SHISA9: variants seen among roughly 807,000 people sequenced by gnomAD.
The protein encoded by SHISA9 is shisa family member 9.
Under a neutral mutation model 38.0 loss-of-function variants are expected in SHISA9, and 13 were observed. That is an observed-to-expected ratio of 0.34 (90% CI 0.22 to 0.54). SHISA9 has a LOEUF of 0.54. Ranked by LOEUF, SHISA9 falls within the 20% of genes least tolerant of loss-of-function variation. The probability of loss-of-function intolerance (pLI) is 0.91; values close to 1 mark genes in which losing one functional copy is unlikely to be tolerated. For synonymous variants in SHISA9, 275 were observed against 242.0 expected (o/e 1.14, Z -1.27); for missense variants, 538 against 575.8 (o/e 0.93, Z 0.67).
At chr16:13,247,582 A>G in the SHISA9 span, among the ~76,000 whole-genome samples, 1 of 151,814 alleles carries the variant, frequency 6.6e-6, no homozygotes, top group Non-Finnish European at 1.5e-5. Context: ...TGGTTAAATA[A>G]ATAAATAAAT....
chr16:13,314,214 T>A, the SHISA9 span, among the ~76,000 whole-genome samples: 2 of 149,552 alleles, frequency 1.3e-5, no homozygotes, highest in African/African-American at 4.9e-5. Context: ...TTTTTTTTTA[T>A]TTTTTTATTT....
the SHISA9 span, among the ~76,000 whole-genome samples, chr16:13,518,294 C>T: frequency 3.3e-5 from 5 of 152,002 alleles, no homozygotes; most frequent in African/African-American, 1.2e-4. Context: ...TTCCATTCCC[C>T]ACAAGAGCCA....
the SHISA9 span, among the ~76,000 whole-genome samples, chr16:13,454,106 T>C: frequency 2.0e-5 from 3 of 152,288 alleles, no homozygotes; most frequent in South Asian, 2.1e-4. Context: ...TTCTCTTTTA[T>C]GGGCTAGCTG....
chr16:13,146,349 A>G (rs762968164), intron 2 of SHISA9, among the ~76,000 whole-genome samples: 1 of 152,162 alleles, frequency 6.6e-6, no homozygotes, highest in African/African-American at 2.4e-5. Flanking sequence ...AGTTAGGTGC[A>G]TAGCTTTTAT....
At chr16:13,317,938 T>C in the SHISA9 span, among the ~76,000 whole-genome samples, 2 of 152,138 alleles carry the variant, frequency 1.3e-5, no homozygotes, top group African/African-American at 4.8e-5. Context: ...GTTGAAAATA[T>C]GTAATATCTG....
At chr16:13,068,522 TG>T (rs2073460869) in intron 2 of SHISA9, among the ~76,000 whole-genome samples, 1 of 152,162 alleles carries the variant, frequency 6.6e-6, no homozygotes, top group Admixed American at 6.5e-5. Context: ...AGTTTAGGAG[TG>T]GCCTGGAGTT....
At chr16:12,933,961 C>T (rs2071494580) in intron 2 of SHISA9, among the ~76,000 whole-genome samples, 1 of 151,998 alleles carries the variant, frequency 6.6e-6, no homozygotes, top group South Asian at 2.1e-4. Flanking sequence ...AGGCTGGTGT[C>T]ACTGAGAAAG....
the SHISA9 span, among the ~76,000 whole-genome samples, chr16:13,283,180 A>C: frequency 2.6e-5 from 4 of 152,084 alleles, no homozygotes; most frequent in African/African-American, 9.7e-5. Flanking sequence ...GATCACTAGG[A>C]ACTTTGTGCA....
In SHISA9 at chr16:12,976,181, G is replaced by A. The variant is rs532431740; in HGVS notation, c.691+59366G>A. Among the ~76,000 whole-genome samples the A allele has an allele frequency of 5.9e-5, 9 of 152,132 alleles. No individual in the cohort carries two copies. In the South Asian group the frequency reaches 6.3e-4, roughly 11 times the overall value. The stretch of plus-strand genomic sequence containing the variant: ...CGGCTCACTGTAACCTCTGCTTCTC[G>A]GGTTCAAGAGATTCTTGTGCCTCAG... On this transcript the variant is annotated intron_variant, in intron 2 of 4. Coordinates refer to ENST00000558583, the MANE Select transcript of SHISA9 (RefSeq NM_001145204.3).
intron 2 of SHISA9, among the ~76,000 whole-genome samples, chr16:12,919,683 C>T (rs529730120): frequency 4.3e-4 from 65 of 152,244 alleles, no homozygotes; most frequent in African/African-American, 1.3e-3. Context: ...TTTTTGTCAA[C>T]GTTTCTACAT....
At position 13,015,987 on chromosome 16, in the gene SHISA9, T is replaced by TTCCCTTCCCTTC. The variant is rs1555454870; in HGVS notation, c.691+99174_691+99175insCCTTCCCTTCTC. ...TTCCCTTCCCTTCCCTTCCCTTCCC[T>TTCCCTTCCCTTC]TCTTTTCTTTTCTTCCTTGAGACAG... On this transcript the variant is annotated intron_variant, in intron 2 of 4. Transcript: ENST00000558583. Among the ~76,000 whole-genome samples, 28 of 9,910 alleles carry TTCCCTTCCCTTC rather than the reference T, an allele frequency of 2.8e-3. 6 individuals are homozygous for TTCCCTTCCCTTC. Among genetic ancestry groups the TTCCCTTCCCTTC allele is most frequent in the Non-Finnish European group, 3.4e-3 (20 of 5,946 alleles). The allele number at this position is 9,910 out of a possible 152,430, so 6.5% of individuals were successfully genotyped here.
intron 2 of SHISA9, among the ~76,000 whole-genome samples, chr16:12,926,047 T>A (rs2071389926): frequency 6.6e-6 from 1 of 152,154 alleles, no homozygotes; most frequent in African/African-American, 2.4e-5. Context: ...TCTCACAACA[T>A]CTTCATAAAA....
chr16:13,336,707 G>A, the SHISA9 span, among the ~76,000 whole-genome samples: 2 of 152,276 alleles, frequency 1.3e-5, no homozygotes, highest in South Asian at 4.2e-4. Flanking sequence ...TTGGGTAAGG[G>A]GAGGTGGCAT....
chr16:13,535,152 A>G, the SHISA9 span, among the ~76,000 whole-genome samples: 1 of 152,204 alleles, frequency 6.6e-6, no homozygotes. Flanking sequence ...AGGATGAGGC[A>G]GGAGAATTGG....
the SHISA9 span, among the ~76,000 whole-genome samples, chr16:13,463,860 G>A: frequency 5.3e-5 from 8 of 152,366 alleles, no homozygotes; most frequent in South Asian, 4.1e-4. Context: ...AATCCCTGCC[G>A]TTGGCTCCCT....
chr16:13,404,391 C>T, the SHISA9 span, among the ~76,000 whole-genome samples: 117 of 152,170 alleles, frequency 7.7e-4, no homozygotes, highest in African/African-American at 2.8e-3. Flanking sequence ...TTGTCCTCAT[C>T]GGGGAAGTAA....
intron 2 of SHISA9, among the ~76,000 whole-genome samples, chr16:13,079,475 A>T (rs1397937334): frequency 6.6e-6 from 1 of 152,240 alleles, no homozygotes; most frequent in Non-Finnish European, 1.5e-5. Flanking sequence ...TAAAAATGAC[A>T]ACATGAAACC....
chr16:12,908,186 C>T (rs1195644745), intron 1 of SHISA9, among the ~76,000 whole-genome samples: 2 of 152,146 alleles, frequency 1.3e-5, no homozygotes, highest in Non-Finnish European at 2.9e-5. Context: ...CTCTTGTCTA[C>T]TGAAGAGAAT....
At chr16:13,262,978 T>A in the SHISA9 span, among the ~76,000 whole-genome samples, 1 of 152,192 alleles carries the variant, frequency 6.6e-6, no homozygotes, top group African/African-American at 2.4e-5. Flanking sequence ...TGAGGGTCTC[T>A]TTTTTATTCC....
Sources: allele counts gnomAD v4.1 joint callset (sites outside exome capture counted in the v4.1 genomes callset), GRCh38; gene constraint gnomAD v4.1.1; transcripts MANE v1.5; gene names NCBI Gene and HGNC (gene_info 2026-07-23, HGNC 2026-07-21).